The following NLRP5 variants were observed in gnomAD, a reference collection of about 807,000 sequenced individuals.
NLRP5 encodes the protein NLR family pyrin domain containing 5, also known as NACHT, LRR and PYD domains-containing protein 5.
In NLRP5, 93 loss-of-function variants were observed where a neutral mutation model predicts 113.1. The observed-to-expected ratio is 0.82, with a 90% CI of 0.70 to 0.98. The LOEUF (loss-of-function observed/expected upper bound fraction) is 0.98, where lower values mean the gene tolerates loss of function less well. Ranked by LOEUF, NLRP5 falls within the 50% of genes least tolerant of loss-of-function variation. NLRP5 has a pLI of 0.00. For missense variants in NLRP5, 1,808 were observed against 1,514.3 expected, an observed-to-expected ratio of 1.19 and a Z score of -3.22; for synonymous variants, 751 against 600.7, an observed-to-expected ratio of 1.25 and a Z score of -3.66.
chr19:56,030,567 C>G (rs553458858), intron 7 of NLRP5, among the ~76,000 whole-genome samples: 33 of 152,206 alleles, frequency 2.2e-4, no homozygotes, highest in Admixed American at 1.5e-3. Context: ...GGAGTCACAG[C>G]CTGGGCAATT....
the NLRP5 span, among the ~76,000 whole-genome samples, chr19:55,992,407 C>T: frequency 1.3e-5 from 2 of 152,242 alleles, no homozygotes; most frequent in Middle Eastern, 6.8e-3. Context: ...TGGCTGGGTC[C>T]AACGCTACTG....
upstream of NLRP5, among the ~76,000 whole-genome samples, chr19:55,995,995 T>C (rs188119888): frequency 2.9e-3 from 437 of 151,968 alleles, 4 homozygotes; most frequent in African/African-American, 0.01. Context: ...TTTTGTATGT[T>C]GATTCTGCAA....
chr19:55,998,180 C>T (rs933080791), upstream of NLRP5, among the ~76,000 whole-genome samples: 27 of 152,008 alleles, frequency 1.8e-4, no homozygotes, highest in Admixed American at 1.4e-3. Flanking sequence ...TCCTGAATTT[C>T]AGACATTCTA....
intron 1 of NLRP5, among the ~76,000 whole-genome samples, chr19:56,002,151 A>G (rs1423974091): frequency 6.6e-5 from 10 of 152,190 alleles, no homozygotes; most frequent in Admixed American, 1.3e-4. Flanking sequence ...ATTGGTCCTG[A>G]TGGTGATTTA....
In NLRP5 at chr19:56,003,724, CTCTT is replaced by C; in HGVS notation, c.74_77del (p.Leu25ProfsTer19). 1 of 1,596,460 alleles carries C rather than the reference CTCTT, an allele frequency of 6.3e-7. No individual in the cohort carries two copies. The highest frequency in any genetic ancestry group is 8.5e-7 in the Non-Finnish European group (1 of 1,172,674). On this transcript the variant is annotated frameshift_variant, in exon 2 of 15. Coordinates refer to ENST00000390649, the MANE Select transcript of NLRP5 (RefSeq NM_153447.4). LOFTEE classifies it high-confidence loss of function. ...CAAGATCCTCTTTTAAGTCTTGTCA[CTCTT>C]TCCACAGGTCCTACTTGCTCTATAT...
chr19:56,043,494 T>A (rs1223520696), intron 11 of NLRP5, among the ~76,000 whole-genome samples: 1 of 150,900 alleles, frequency 6.6e-6, no homozygotes, highest in Non-Finnish European at 1.5e-5. Context: ...GACTCTAGAT[T>A]GTGAAGATTT....
chr19:56,008,875 G>A (rs760760069), intron 3 of NLRP5, 22 bp downstream of exon 3: 4 of 1,605,156 alleles, frequency 2.5e-6, no homozygotes, highest in Admixed American at 3.4e-5. Flanking sequence ...GGAGTTGGGG[G>A]AAATAGGATG....
intron 2 of NLRP5, among the ~76,000 whole-genome samples, chr19:56,007,869 TTGTGTGTG>T (rs140570438): frequency 1.2e-5 from 1 of 85,928 alleles, no homozygotes; most frequent in Non-Finnish European, 2.6e-5. Context: ...ACAAGACAGT[TTGTGTGTG>T]TGTGTGTGTG....
intron 3 of NLRP5, among the ~76,000 whole-genome samples, chr19:56,011,952 A>C (rs926385719): frequency 2.0e-5 from 3 of 152,044 alleles, no homozygotes. Context: ...TCAGCCTCCC[A>C]AACTGCTAGG....
intron 3 of NLRP5, 120 bp downstream of exon 3, chr19:56,008,973 C>G: frequency 1.2e-6 from 1 of 840,962 alleles, no homozygotes; most frequent in South Asian, 1.5e-5. Context: ...AGTCTAACTA[C>G]CCTACATTAG....
intron 7 of NLRP5, among the ~76,000 whole-genome samples, chr19:56,030,833 G>GC (rs1357855663): frequency 6.8e-6 from 1 of 147,952 alleles, no homozygotes; most frequent in Admixed American, 7.0e-5. Flanking sequence ...TCCTGCTTCG[G>GC]CCTCCCTAGT....
rs574464653 is a variant in NLRP5, at chr19:56,022,722, G to GGTTTTTT, written c.679+2304_679+2310dup. 1.6e-4 allele frequency among the ~76,000 whole-genome samples: 25 copies of GGTTTTTT among 152,200 alleles called. 1 individual carries two copies. The highest frequency in any genetic ancestry group is 3.1e-4 in the Non-Finnish European group (21 of 68,002). On this transcript the variant is annotated intron_variant, in intron 6 of 14. Transcript: ENST00000390649. Reference sequence around the variant, plus strand: ...ATTTTTTGTTAGAAGTAAAAGATGAGGTTTTTTGTTTTTTGTTTTGAGACT... The same window carrying GGTTTTTT: ...ATTTTTTGTTAGAAGTAAAAGATGAGGTTTTTTGTTTTTTGTTTTTTGTTTTGAGACT...
chr19:56,020,516 A>G, intron 6 of NLRP5, 85 bp downstream of exon 6: 3 of 1,442,844 alleles, frequency 2.1e-6, no homozygotes, highest in South Asian at 1.2e-5. Context: ...TTTCAAGGGT[A>G]TGTAGTTTAG....
At position 56,033,690 on chromosome 19, in the gene NLRP5, T is replaced by A. The variant is rs755525227; in HGVS notation, c.2596T>A (p.Cys866Ser). ...GTGTGAAGCCTTAAAACACCCAAAATGTTTGTTGGAGTCTTTGAGGTACGT... is the reference window on the plus strand; with the variant it reads ...GTGTGAAGCCTTAAAACACCCAAAAAGTTTGTTGGAGTCTTTGAGGTACGT... The change falls in exon 9 of 15, where the codon TGT becomes AGT. Residue 866 changes from cysteine (C) to serine (S), a missense_variant. Transcript: ENST00000390649. The A allele has an allele frequency of 1.9e-6, 3 of 1,613,228 alleles. No individual in the cohort carries two copies. Among genetic ancestry groups the A allele is most frequent in the Non-Finnish European group, 2.5e-6 (3 of 1,179,590 alleles).
chr19:56,058,211 G>T, intron 13 of NLRP5, 29 bp from the exon 14 acceptor site: 1 of 1,582,022 alleles, frequency 6.3e-7, no homozygotes, highest in Non-Finnish European at 8.6e-7. Flanking sequence ...GATCTTTGGG[G>T]TTATTTTCTG....
At chr19:56,022,495 C>G (rs2123296156) in intron 6 of NLRP5, among the ~76,000 whole-genome samples, 1 of 152,090 alleles carries the variant, frequency 6.6e-6, no homozygotes, top group East Asian at 1.9e-4. Context: ...TCCCAATGCA[C>G]TAGGATTACA....
chr19:56,043,088 G>A lies in NLRP5; in HGVS notation c.2957+1996G>A, dbSNP rs407673. Among the ~76,000 whole-genome samples, 11 of 152,006 alleles carry A rather than the reference G, an allele frequency of 7.2e-5. No homozygotes were observed. The South Asian group carries it at 8.3e-4, about 11-fold the overall frequency. On this transcript the variant is annotated intron_variant, in intron 11 of 14. Transcript: ENST00000390649. Reference sequence around the variant, plus strand: ...ATATATGGGTACAAGTATCTTTTTCGAATATTGACTACTTTTTCTCTGGGT... The same window carrying A: ...ATATATGGGTACAAGTATCTTTTTCAAATATTGACTACTTTTTCTCTGGGT...
At chr19:56,042,718 AC>A (rs750667579) in intron 11 of NLRP5, among the ~76,000 whole-genome samples, 1 of 152,198 alleles carries the variant, frequency 6.6e-6, no homozygotes, top group Non-Finnish European at 1.5e-5. Flanking sequence ...TGTACACTGC[AC>A]CATGTTTGAA....
chr19:55,999,799 C>G, intron 1 of NLRP5: 2 of 1,610,294 alleles, frequency 1.2e-6, no homozygotes, highest in Non-Finnish European at 1.7e-6. Flanking sequence ...TCGACAGCCT[C>G]TTAGAGTTAC....
Sources: allele counts gnomAD v4.1 joint callset (sites outside exome capture counted in the v4.1 genomes callset), GRCh38; gene constraint gnomAD v4.1.1; transcripts MANE v1.5; gene names NCBI Gene and HGNC (gene_info 2026-07-23, HGNC 2026-07-21).